IL1RAPL2: variants seen among roughly 807,000 people sequenced by gnomAD.
IL1RAPL2 encodes the protein X-linked interleukin-1 receptor accessory protein-like 2.
A neutral mutation model predicts 44.1 loss-of-function variants in IL1RAPL2; 3 were observed. That is an observed-to-expected ratio of 0.07 (90% CI 0.03 to 0.18). IL1RAPL2 has a LOEUF of 0.18. Ranked by LOEUF, IL1RAPL2 falls within the 10% of genes least tolerant of loss-of-function variation. The probability of loss-of-function intolerance (pLI) is 1.00; values close to 1 mark genes in which losing one functional copy is unlikely to be tolerated. For synonymous variants in IL1RAPL2, 181 were observed against 178.8 expected, an observed-to-expected ratio of 1.01 and a Z score of -0.10; for missense variants, 391 against 496.4, an observed-to-expected ratio of 0.79 and a Z score of 2.02.
intron 2 of IL1RAPL2, among the ~76,000 whole-genome samples, chrX:105,043,211 TA>T (rs762979163): frequency 9.1e-6 from 1 of 109,707 alleles, no homozygotes; most frequent in East Asian, 2.9e-4. Context: ...ACATGTACCC[TA>T]AAACTTAAAG....
intron 5 of IL1RAPL2, among the ~76,000 whole-genome samples, chrX:105,454,069 C>T (rs1242640927): frequency 9.0e-6 from 1 of 111,240 alleles, no homozygotes; most frequent in Non-Finnish European, 1.9e-5. Context: ...GCATACGAAG[C>T]AAAGCACCCA....
At chrX:105,597,815 G>A (rs1184263103) in intron 6 of IL1RAPL2, among the ~76,000 whole-genome samples, 1 of 111,908 alleles carries the variant, frequency 8.9e-6, no homozygotes, top group Non-Finnish European at 1.9e-5. Flanking sequence ...TCAAGTGTTG[G>A]TGAGGGTGTG....
At chrX:105,195,863 C>T in intron 3 of IL1RAPL2, 115 bp downstream of exon 3, 1 of 709,491 alleles carries the variant, frequency 1.4e-6, no homozygotes, top group South Asian at 2.6e-5. Context: ...TGAAAGGTTG[C>T]AGTACATGTG....
chrX:105,239,909 G>T (rs782222841), intron 4 of IL1RAPL2, among the ~76,000 whole-genome samples: 1 of 111,494 alleles, frequency 9.0e-6, no homozygotes, highest in African/African-American at 3.3e-5. Flanking sequence ...CACCCTTCTC[G>T]CAAGGAAAAG....
At chrX:105,084,167 G>T (rs748185799) in intron 2 of IL1RAPL2, among the ~76,000 whole-genome samples, 1 of 112,667 alleles carries the variant, frequency 8.9e-6, no homozygotes, top group Non-Finnish European at 1.9e-5. Flanking sequence ...CAGTGTGGAA[G>T]GAAAAAATGT....
chrX:104,776,839 C>A (rs1932726629), intron 2 of IL1RAPL2, among the ~76,000 whole-genome samples: 1 of 111,137 alleles, frequency 9.0e-6, no homozygotes, highest in Admixed American at 9.5e-5. Context: ...ATTAATGAAC[C>A]AATATTTATG....
At chrX:104,608,707 C>G (rs780134765) in intron 1 of IL1RAPL2, among the ~76,000 whole-genome samples, 1 of 73,910 alleles carries the variant, frequency 1.4e-5, no homozygotes, top group Non-Finnish European at 2.5e-5. Flanking sequence ...CTTGGTAGAT[C>G]TTCCCTCCAT....
At chrX:104,825,772 A>G (rs147172464) in intron 2 of IL1RAPL2, among the ~76,000 whole-genome samples, 1,241 of 111,985 alleles carry the variant, frequency 0.011, 7 homozygotes, top group South Asian at 0.033. Flanking sequence ...ACCACCTGAA[A>G]CCCAAAGGCT....
intron 5 of IL1RAPL2, among the ~76,000 whole-genome samples, chrX:105,269,717 G>C (rs1339327005): frequency 9.0e-6 from 1 of 111,571 alleles, no homozygotes; most frequent in African/African-American, 3.3e-5. Flanking sequence ...ACAAAGCGTC[G>C]CAGCATCATC....
chrX:104,649,464 A>C (rs1223699686), intron 1 of IL1RAPL2, among the ~76,000 whole-genome samples: 1 of 111,604 alleles, frequency 9.0e-6, no homozygotes, highest in Non-Finnish European at 1.9e-5. Flanking sequence ...TTCTGATTGA[A>C]TAGCTAATAG....
chrX:105,104,477 A>G (rs1433651618), intron 2 of IL1RAPL2, among the ~76,000 whole-genome samples: 6 of 112,003 alleles, frequency 5.4e-5, no homozygotes, highest in Non-Finnish European at 1.1e-4. Context: ...TGGATGAACA[A>G]TGGATGTAAA....
rs142717969 is a variant in IL1RAPL2, at chrX:105,053,100, G to A, written c.83-142375G>A. Among the ~76,000 whole-genome samples the A allele has an allele frequency of 4.4e-3, 489 of 110,350 alleles. 5 individuals are homozygous for A. The highest frequency in any genetic ancestry group is 0.015 in the African/African-American group (467 of 30,332). The stretch of plus-strand genomic sequence containing the variant: ...CTGCAGACCGGAGCTGTTTCTATTC[G>A]CCCATCTTGTCCCCTCCCCTCAGCT... On this transcript the variant is annotated intron_variant, in intron 2 of 10. Transcript: ENST00000372582.
At chrX:105,454,890 AT>A (rs1034239499) in intron 5 of IL1RAPL2, among the ~76,000 whole-genome samples, 1 of 100,226 alleles carries the variant, frequency 1.0e-5, no homozygotes, top group African/African-American at 3.8e-5. Context: ...CAGCAAAGCC[AT>A]GCTACAGTCT....
intron 5 of IL1RAPL2, among the ~76,000 whole-genome samples, chrX:105,279,719 C>G (rs1408792082): frequency 8.9e-6 from 1 of 111,932 alleles, no homozygotes; most frequent in African/African-American, 3.2e-5. Flanking sequence ...ACCTCCTGAT[C>G]CTCCCGCCTT....
At chrX:105,646,775 C>A (rs913784332) in intron 6 of IL1RAPL2, among the ~76,000 whole-genome samples, 1 of 111,936 alleles carries the variant, frequency 8.9e-6, no homozygotes, top group Non-Finnish European at 1.9e-5. Flanking sequence ...TGAGTGACAG[C>A]CCCAGCTGCT....
At position 104,589,549 on chromosome X, in the gene IL1RAPL2, A is replaced by C. The variant is rs779492516; in HGVS notation, c.-20+22498A>C. ...TCAATACTTTGCATCCTTCAATCCA[A>C]TCAAGTTGACACTCAGTATTAACCA... On this transcript the variant is annotated intron_variant, in intron 1 of 10. Coordinates refer to ENST00000372582, the MANE Select transcript of IL1RAPL2 (RefSeq NM_017416.2). Among the ~76,000 whole-genome samples, 31 of 112,241 alleles carry C rather than the reference A, an allele frequency of 2.8e-4. 1 individual carries two copies. In the South Asian group the frequency reaches 0.011, roughly 40 times the overall value.
intron 2 of IL1RAPL2, among the ~76,000 whole-genome samples, chrX:104,786,388 T>C (rs1413966445): frequency 1.8e-5 from 2 of 112,166 alleles, no homozygotes; most frequent in Non-Finnish European, 3.8e-5. Flanking sequence ...ATAGAAATTA[T>C]CATATAGTTA....
chrX:105,259,626 T>G (rs1327270852), intron 4 of IL1RAPL2, among the ~76,000 whole-genome samples: 1 of 110,987 alleles, frequency 9.0e-6, no homozygotes, highest in African/African-American at 3.3e-5. Context: ...GGTGACAAGT[T>G]GTAGGGGATG....
intron 5 of IL1RAPL2, among the ~76,000 whole-genome samples, chrX:105,345,856 A>C: frequency 8.9e-6 from 1 of 112,106 alleles, no homozygotes; most frequent in Non-Finnish European, 1.9e-5. Context: ...GCACAGGAAT[A>C]GACTTAAGCT....
Sources: gnomAD v4.1 joint callset for allele counts (sites outside exome capture counted in the v4.1 genomes callset) on GRCh38, gnomAD v4.1.1 for gene constraint, MANE v1.5 for transcripts, NCBI Gene and HGNC (gene_info 2026-07-23, HGNC 2026-07-21) for gene names.